Variants in PARP14 observed in about 807,000 individuals in gnomAD.
PARP14 encodes the protein protein mono-ADP-ribosyltransferase PARP14.
In PARP14, 59 loss-of-function variants were observed where a neutral mutation model predicts 154.2. The ratio of observed to expected loss-of-function variants is 0.38; its 90% CI spans 0.31 to 0.48. PARP14 has a LOEUF of 0.48. PARP14 is among the 20% of genes least tolerant of loss of function. PARP14 has a pLI of 0.98. For missense variants in PARP14, 1,734 were observed against 2,131.6 expected (o/e 0.81, Z 3.67); for synonymous variants, 720 against 780.5 (o/e 0.92, Z 1.29).
chr3:122,686,793 T>C (rs1037182536), intron 2 of PARP14: 5 of 318,300 alleles, frequency 1.6e-5, no homozygotes, highest in Middle Eastern at 8.5e-4. Context: ...AAGGGAAAAA[T>C]TATGAGCTAA....
chr3:122,713,282 G>A, intron 9 of PARP14, 142 bp from the exon 10 acceptor site: 2 of 591,062 alleles, frequency 3.4e-6, no homozygotes, highest in Non-Finnish European at 6.0e-6. Flanking sequence ...CTGAGGCTGA[G>A]GAGCAGGGCC....
Position 122,685,276 on chromosome 3 carries a change from A to G in PARP14, c.279A>G (p.Pro93=). The change falls in exon 2 of 17, where the codon CCA becomes CCG. Residue 93 remains proline, a synonymous_variant. Coordinates refer to ENST00000474629, the MANE Select transcript of PARP14 (RefSeq NM_017554.3). ...FKLTVQLPAT[P]DEIDHVFEEE... ...TAACTGTCCAGTTACCTGCAACCCC[A>G]GATGAAATCGATCATGTCTTTGAAG... The G allele has an allele frequency of 1.2e-6, 2 of 1,613,856 alleles. No homozygotes were observed. The highest frequency in any genetic ancestry group is 1.7e-6 in the Non-Finnish European group (2 of 1,179,774).
At chr3:122,687,405 C>T (rs1938406610) in intron 3 of PARP14, among the ~76,000 whole-genome samples, 1 of 152,216 alleles carries the variant, frequency 6.6e-6, no homozygotes, top group African/African-American at 2.4e-5. Flanking sequence ...CTGATCTTTA[C>T]TTTCCACTTG....
rs774805287 is a variant in PARP14 at position 122,692,364 on chromosome 3, T to A, written c.419T>A (p.Ile140Asn). Residue 140 changes from isoleucine (I) to asparagine (N), a missense_variant, in exon 4 of 17, where the codon ATC becomes AAC. Physicochemically the swap from Ile to Asn is moderately radical, Grantham distance 149. Coordinates refer to ENST00000474629, the MANE Select transcript of PARP14 (RefSeq NM_017554.3). ...LDGGLDKMEDIPEECENISSL... is the reference protein window; with the variant it reads ...LDGGLDKMEDNPEECENISSL... ...GGTGGATTAGACAAAATGGAAGATA[T>A]CCCAGAGGAATGTGAAAATATTTCC... 2 of 1,613,186 alleles carry A rather than the reference T, an allele frequency of 1.2e-6. No individual in the cohort carries two copies. The highest frequency in any genetic ancestry group is 1.7e-6 in the Non-Finnish European group (2 of 1,179,184).
At chr3:122,725,953 C>T (rs531101133) in intron 15 of PARP14, among the ~76,000 whole-genome samples, 2 of 152,076 alleles carry the variant, frequency 1.3e-5, no homozygotes, top group South Asian at 4.2e-4. Flanking sequence ...CATTGCTTAC[C>T]CTAGAGATTA....
intron 9 of PARP14, among the ~76,000 whole-genome samples, chr3:122,708,812 C>G (rs1261107433): frequency 6.6e-6 from 1 of 151,994 alleles, no homozygotes; most frequent in Admixed American, 6.6e-5. Flanking sequence ...AGCTGTTCTC[C>G]CCATGCCTAC....
intron 4 of PARP14, among the ~76,000 whole-genome samples, chr3:122,694,517 G>A (rs1277718206): frequency 6.6e-6 from 1 of 152,034 alleles, no homozygotes; most frequent in Non-Finnish European, 1.5e-5. Context: ...GGCACATCGT[G>A]GGCCCACCAT....
rs746543829 is a variant in PARP14 at position 122,728,585 on chromosome 3, G to C, written c.5394G>C (p.Thr1798=). The C allele has an allele frequency of 6.2e-7, 1 of 1,608,032 alleles. No homozygotes were observed. Among genetic ancestry groups the C allele is most frequent in the Non-Finnish European group, 8.5e-7 (1 of 1,175,358 alleles). Reference sequence around the variant, plus strand: ...AAGCATACCCAGAGTACCTTATTACGTTTAGAAAATAACACTTTGGTATCC... The same window carrying C: ...AAGCATACCCAGAGTACCTTATTACCTTTAGAAAATAACACTTTGGTATCC... ...DYQAYPEYLI[T]FRK Residue 1798 remains threonine (T), a synonymous_variant, in exon 17 of 17, where the codon ACG becomes ACC. Coordinates refer to ENST00000474629, the MANE Select transcript of PARP14 (RefSeq NM_017554.3).
chr3:122,685,223 G>T lies in PARP14; in HGVS notation c.226G>T (p.Val76Leu), dbSNP rs751068078. The T allele has an allele frequency of 3.3e-5, 53 of 1,613,756 alleles. 1 individual carries two copies. The highest frequency in any genetic ancestry group is 4.5e-5 in the Non-Finnish European group (53 of 1,179,816). ...TCTGGAGAGAAAAAATCATGAGTTG[G>T]TATGGCAAGGAAAAGGAACATTCAA... ...KVLERKNHEL[V>L]WQGKGTFKLT... is the part of the protein sequence containing the mutation. Residue 76 changes from valine to leucine, a missense_variant, in exon 2 of 17, where the codon GTA (valine) becomes TTA (leucine). Around this residue, in one of 2 missense-constraint regions of PARP14, gnomAD observed 1,646 missense variants for 1,976.0 expected, o/e 0.83. Transcript: ENST00000474629.
intron 1 of PARP14, chr3:122,683,300 A>C: frequency 1.0e-6 from 1 of 984,902 alleles, no homozygotes; most frequent in South Asian, 4.7e-5. Context: ...AAGTGGCCTC[A>C]ACAGGTGCGG....
chr3:122,715,219 G>A (rs1024798467), intron 12 of PARP14, among the ~76,000 whole-genome samples: 2 of 152,078 alleles, frequency 1.3e-5, no homozygotes. Flanking sequence ...GCTGGTCAGG[G>A]GAGGCATGCA....
chr3:122,681,292 C>T lies in PARP14; in HGVS notation c.187+222C>T, dbSNP rs543152496. The stretch of plus-strand genomic sequence containing the variant: ...CTGCGCTTCCAGGCGCTTAATGGCG[C>T]GGCCCGGAGGTGGCGGCGGAACCGC... On this transcript the variant is annotated intron_variant, in intron 1 of 16. Transcript: ENST00000474629. This position sits in a 1 kb window ranked among gnomAD's most constrained non-coding sequence, Gnocchi z 5.5. 6.6e-6 allele frequency among the ~76,000 whole-genome samples: 1 copy of T among 152,336 alleles called. No homozygotes were observed. The highest frequency in any genetic ancestry group is 2.1e-4 in the South Asian group (1 of 4,832).
At chr3:122,728,022 G>T in intron 16 of PARP14, 36 bp downstream of exon 16, 1 of 1,580,356 alleles carries the variant, frequency 6.3e-7, no homozygotes, top group Non-Finnish European at 8.6e-7. Context: ...TTGGAATGAG[G>T]CATCAGCCAT....
In PARP14 at chr3:122,713,903, A is replaced by G; in HGVS notation, c.3801A>G (p.Gly1267=). ...GVSKAILECA[G]QNVERECSQQ... ...CCAAAGCAATTTTAGAATGTGCTGG[A>G]CAAAATGTAGAAAGGGAATGTTCTC... The change falls in exon 11 of 17, where the codon GGA becomes GGG. Residue 1267 remains glycine, a synonymous_variant. Coordinates refer to ENST00000474629, the MANE Select transcript of PARP14 (RefSeq NM_017554.3). 6.2e-7 allele frequency: 1 copy of G among 1,613,098 alleles called. No homozygotes were observed.
chr3:122,707,594 G>A (rs759467320), intron 8 of PARP14, among the ~76,000 whole-genome samples: 1 of 152,050 alleles, frequency 6.6e-6, no homozygotes, highest in Non-Finnish European at 1.5e-5. Flanking sequence ...GCAACATAGG[G>A]AGATCCTGTT....
intron 15 of PARP14, chr3:122,722,139 T>C (rs886550275): frequency 6.6e-6 from 1 of 152,322 alleles, no homozygotes; most frequent in African/African-American, 2.4e-5. Context: ...CTGAGAGATT[T>C]CTCTTGTGGA....
At chr3:122,704,475 C>A in intron 7 of PARP14, 52 bp from the exon 8 acceptor site, 2 of 1,167,378 alleles carry the variant, frequency 1.7e-6, no homozygotes, top group South Asian at 1.4e-5. Flanking sequence ...CCTTTTTGTT[C>A]TAACTCCCAT....
chr3:122,691,361 G>C (rs10934611), intron 3 of PARP14, among the ~76,000 whole-genome samples: 1 of 152,108 alleles, frequency 6.6e-6, no homozygotes, highest in Non-Finnish European at 1.5e-5. Flanking sequence ...CATACAGTGA[G>C]ACTGACCTTG....
rs1006122728 is a variant in PARP14 at position 122,730,646 on chromosome 3, T to C, written c.*2049T>C. On this transcript the variant is annotated 3_prime_UTR_variant, in exon 17 of 17. Transcript: ENST00000474629. ...CATCATTGACAATAAATGTAAGAAATTGGAATAAAAAAGAGAGACCTGCTG... is the reference window on the plus strand; with the variant it reads ...CATCATTGACAATAAATGTAAGAAACTGGAATAAAAAAGAGAGACCTGCTG... 1 of 152,606 alleles carries C rather than the reference T, an allele frequency of 6.6e-6. No homozygotes were observed. The highest frequency in any genetic ancestry group is 2.4e-5 in the African/African-American group (1 of 41,458). 9.5% of individuals were successfully genotyped at this position (152,606 alleles called of 1,614,324 possible).
Sources: gnomAD v4.1 joint callset for allele counts (sites outside exome capture counted in the v4.1 genomes callset) on GRCh38, gnomAD v4.1.1 for gene constraint, gnomAD v4.1.1 regional missense constraint, Gnocchi (gnomAD v3.1) non-coding constraint, MANE v1.5 for transcripts, NCBI Gene and HGNC (gene_info 2026-07-23, HGNC 2026-07-21) for gene names.